The following SEMA6A variants were observed in gnomAD, a reference collection of about 807,000 sequenced individuals.
SEMA6A encodes the protein semaphorin-6A.
A neutral mutation model predicts 96.8 loss-of-function variants in SEMA6A; 25 were observed. The ratio of observed to expected loss-of-function variants is 0.26; its 90% CI spans 0.19 to 0.36. The LOEUF (loss-of-function observed/expected upper bound fraction) is 0.36. SEMA6A is among the 10% of genes least tolerant of loss of function. SEMA6A has a pLI of 1.00. For missense variants in SEMA6A, 1,363 were observed against 1,323.1 expected, an observed-to-expected ratio of 1.03 and a Z score of -0.47; for synonymous variants, 612 against 518.0, an observed-to-expected ratio of 1.18 and a Z score of -2.46.
chr5:116,536,896 C>CAAAAAAAAAAAAAAAAAAAAAAAAA (rs1344678482), intron 1 of SEMA6A, among the ~76,000 whole-genome samples: 10 of 80,076 alleles, frequency 1.2e-4, no homozygotes, highest in Admixed American at 3.9e-4. Context: ...AAAAAAAAAG[C>CAAAAAAAAAAAAAAAAAAAAAAAAA]AAAACTGGTG....
At chr5:116,547,734 TAAAA>T (rs34908253) in intron 1 of SEMA6A, among the ~76,000 whole-genome samples, 1,754 of 65,532 alleles carry the variant, frequency 0.027, 21 homozygotes, top group African/African-American at 0.094. Flanking sequence ...ATCTGATACT[TAAAA>T]AAAAAAAAAA....
At chr5:116,478,218 A>C in intron 13 of SEMA6A, 64 bp from the exon 14 acceptor site, 1 of 1,554,436 alleles carries the variant, frequency 6.4e-7, no homozygotes, top group African/African-American at 1.4e-5. Context: ...CCCCACCCTC[A>C]CATCCCACTT....
At chr5:116,513,327 A>G (rs1449674222) in intron 1 of SEMA6A, among the ~76,000 whole-genome samples, 1 of 152,042 alleles carries the variant, frequency 6.6e-6, no homozygotes, top group African/African-American at 2.4e-5. Context: ...GGGTTTCTCC[A>G]TGTTGGTCAG....
intron 3 of SEMA6A, among the ~76,000 whole-genome samples, chr5:116,499,537 G>A (rs1222976706): frequency 6.6e-6 from 1 of 152,184 alleles, no homozygotes; most frequent in African/African-American, 2.4e-5. Context: ...ATTAAAGTTG[G>A]AAGTGTAAAA....
chr5:116,447,635 G>C lies in SEMA6A; in HGVS notation c.2071C>G (p.Leu691Val), dbSNP rs1754324450. The C allele has an allele frequency of 6.2e-7, 1 of 1,614,034 alleles. No individual in the cohort carries two copies. The highest frequency in any genetic ancestry group is 8.5e-7 in the Non-Finnish European group (1 of 1,179,892). ...VAVVQRKEKELTHSRRGSMSS... is the reference protein window; with the variant it reads ...VAVVQRKEKEVTHSRRGSMSS... ...ATGGAGCCCCGGCGCGAGTGGGTGA[G>C]CTCCTTCTCCTTGCGCTGCACCACA... The change falls in exon 19 of 19, where the codon CTC becomes GTC. Residue 691 changes from leucine (L) to valine (V), a missense_variant. This residue lies in a region of SEMA6A where 883 missense variants were observed against 763.6 expected (regional missense o/e 1.16). Coordinates refer to ENST00000343348, the MANE Select transcript of SEMA6A (RefSeq NM_020796.5).
chr5:116,483,468 C>T (rs932913392), intron 10 of SEMA6A, among the ~76,000 whole-genome samples: 4 of 152,114 alleles, frequency 2.6e-5, no homozygotes, highest in African/African-American at 7.2e-5. Context: ...ACAAGAGACA[C>T]GGGTGCCCTG....
chr5:116,474,220 T>C (rs914527221), intron 16 of SEMA6A, among the ~76,000 whole-genome samples: 3 of 151,790 alleles, frequency 2.0e-5, no homozygotes, highest in African/African-American at 7.3e-5. Context: ...AATATAAATA[T>C]GATGAAAATA....
At chr5:116,508,644 A>G (rs79810893) in intron 1 of SEMA6A, among the ~76,000 whole-genome samples, 10,003 of 152,220 alleles carry the variant, frequency 0.066, 379 homozygotes, top group East Asian at 0.14. Flanking sequence ...ATATTGAGGG[A>G]AAAATAGGAG....
chr5:116,508,079 G>A (rs189978452), intron 1 of SEMA6A: 53 of 152,140 alleles, frequency 3.5e-4, no homozygotes, highest in Middle Eastern at 3.4e-3. Context: ...GAACTGTGAT[G>A]TACAAATGGT....
chr5:116,572,777 C>T (rs1166605421), intron 1 of SEMA6A, among the ~76,000 whole-genome samples: 1 of 152,200 alleles, frequency 6.6e-6, no homozygotes, highest in East Asian at 1.9e-4. Flanking sequence ...TAGCTGCATC[C>T]CGAGCTGTCC....
At chr5:116,517,816 T>C (rs763491940) in intron 1 of SEMA6A, among the ~76,000 whole-genome samples, 1 of 152,178 alleles carries the variant, frequency 6.6e-6, no homozygotes, top group African/African-American at 2.4e-5. Flanking sequence ...GATGGCCAAC[T>C]ACAAGGGAGT....
At chr5:116,504,364 C>A (rs920093907) in intron 2 of SEMA6A, among the ~76,000 whole-genome samples, 1 of 152,170 alleles carries the variant, frequency 6.6e-6, no homozygotes, top group East Asian at 1.9e-4. Flanking sequence ...AAAATGGGTC[C>A]TCTATAAATT....
At chr5:116,518,271 G>A (rs922075244) in intron 1 of SEMA6A, among the ~76,000 whole-genome samples, 21 of 152,242 alleles carry the variant, frequency 1.4e-4, no homozygotes, top group Admixed American at 3.9e-4. Flanking sequence ...GACACTGGGC[G>A]TCAGACAACA....
At chr5:116,489,706 T>C (rs1487471461) in intron 7 of SEMA6A, among the ~76,000 whole-genome samples, 1 of 152,204 alleles carries the variant, frequency 6.6e-6, no homozygotes. Flanking sequence ...TGAGTTCAAA[T>C]AGGTCTTTCT....
At chr5:116,571,235 A>G (rs750781758) in intron 1 of SEMA6A, among the ~76,000 whole-genome samples, 1 of 152,074 alleles carries the variant, frequency 6.6e-6, no homozygotes, top group Non-Finnish European at 1.5e-5. Flanking sequence ...TTCTTATAAA[A>G]TTTTTACCTA....
At chr5:116,469,680 TG>T (rs1339017588) in intron 17 of SEMA6A, 1 of 152,258 alleles carries the variant, frequency 6.6e-6, no homozygotes, top group Non-Finnish European at 1.5e-5. Context: ...GGCAATTTTA[TG>T]GTAATGCCAT....
intron 1 of SEMA6A, among the ~76,000 whole-genome samples, chr5:116,537,814 G>A (rs1482037557): frequency 6.6e-6 from 1 of 152,098 alleles, no homozygotes; most frequent in African/African-American, 2.4e-5. Flanking sequence ...AAGCATATGG[G>A]GAAAATACAG....
intron 1 of SEMA6A, among the ~76,000 whole-genome samples, chr5:116,552,272 C>T (rs931645891): frequency 1.3e-5 from 2 of 151,766 alleles, no homozygotes; most frequent in South Asian, 2.1e-4. Flanking sequence ...TATGTTTTAG[C>T]GTGTTAAGTT....
chr5:116,569,993 T>C (rs965181899), intron 1 of SEMA6A, among the ~76,000 whole-genome samples: 3 of 152,158 alleles, frequency 2.0e-5, no homozygotes, highest in Admixed American at 6.5e-5. Flanking sequence ...TATGATACCC[T>C]CTATTGGTGT....
Sources: gnomAD v4.1 joint callset for allele counts (sites outside exome capture counted in the v4.1 genomes callset) on GRCh38, gnomAD v4.1.1 for gene constraint, gnomAD v4.1.1 regional missense constraint, MANE v1.5 for transcripts, NCBI Gene and HGNC (gene_info 2026-07-23, HGNC 2026-07-21) for gene names.